The following TBK1 variants were observed in gnomAD, a reference collection of about 807,000 sequenced individuals.
TBK1 encodes the protein TANK binding kinase 1, also known as serine/threonine-protein kinase TBK1.
A neutral mutation model predicts 99.9 loss-of-function variants in TBK1; 37 were observed. The ratio of observed to expected loss-of-function variants is 0.37; its 90% CI spans 0.28 to 0.49. TBK1 has a LOEUF of 0.49. Ranked by LOEUF, TBK1 falls within the 20% of genes least tolerant of loss-of-function variation. TBK1 has a pLI of 0.98. For synonymous variants in TBK1, 258 were observed against 279.8 expected (o/e 0.92, Z 0.78); for missense variants, 644 against 872.5 (o/e 0.74, Z 3.30).
chr12:64,455,599 C>T (rs1469108307), intron 1 of TBK1, among the ~76,000 whole-genome samples: 1 of 152,174 alleles, frequency 6.6e-6, no homozygotes, highest in Non-Finnish European at 1.5e-5. Context: ...ATCCGTCTCT[C>T]CAGAGGAAAA....
In TBK1 at chr12:64,465,986, A is replaced by G. The variant is rs564102885; in HGVS notation, c.359-915A>G. On this transcript the variant is annotated intron_variant, in intron 4 of 20. Coordinates refer to ENST00000331710, the MANE Select transcript of TBK1 (RefSeq NM_013254.4). ...AGGAAATAACATCTTAAGAGAAATG[A>G]ATCAAATATTTGAGGAATGGGAAAA... Among the ~76,000 whole-genome samples, 4 of 152,346 alleles carry G rather than the reference A, an allele frequency of 2.6e-5. No homozygotes were observed. The South Asian group carries it at 8.3e-4, about 32-fold the overall frequency.
intron 13 of TBK1, among the ~76,000 whole-genome samples, chr12:64,492,284 C>CT (rs1231320890): frequency 1.3e-5 from 2 of 152,018 alleles, no homozygotes; most frequent in East Asian, 3.9e-4. Flanking sequence ...TATGACATTC[C>CT]TGTGAGATTA....
chr12:64,477,740 G>T (rs192225146), intron 6 of TBK1, among the ~76,000 whole-genome samples: 34 of 152,154 alleles, frequency 2.2e-4, no homozygotes, highest in Non-Finnish European at 4.3e-4. Context: ...GTTCTTAAGG[G>T]GAATTGCCCA....
chr12:64,467,186 A>C (rs1305463145), intron 5 of TBK1, 104 bp downstream of exon 5: 2 of 914,506 alleles, frequency 2.2e-6, no homozygotes, highest in East Asian at 6.0e-5. Flanking sequence ...CATTTTTATG[A>C]CAAAAATTAA....
chr12:64,476,341 G>C (rs1026567583), intron 6 of TBK1, among the ~76,000 whole-genome samples: 7 of 151,270 alleles, frequency 4.6e-5, no homozygotes, highest in Non-Finnish European at 2.9e-5. Flanking sequence ...GTATTTTTTA[G>C]TAGAGACGGG....
At chr12:64,493,587 A>G (rs2040895067) in intron 13 of TBK1, among the ~76,000 whole-genome samples, 1 of 151,654 alleles carries the variant, frequency 6.6e-6, no homozygotes, top group African/African-American at 2.4e-5. Flanking sequence ...AGATCATGCC[A>G]CTGTCCTCCA....
At chr12:64,482,954 C>T (rs2040782276) in intron 8 of TBK1, among the ~76,000 whole-genome samples, 1 of 152,152 alleles carries the variant, frequency 6.6e-6, no homozygotes, top group Non-Finnish European at 1.5e-5. Flanking sequence ...ATGTTAATAG[C>T]TGGTTGTGAT....
chr12:64,456,028 T>A, intron 2 of TBK1, 71 bp downstream of exon 2: 1 of 1,093,440 alleles, frequency 9.1e-7, no homozygotes, highest in Non-Finnish European at 1.3e-6. Context: ...ATGTTGACAC[T>A]AAAGTGTGTG....
At chr12:64,479,085 GTAA>G (rs898238291) in intron 6 of TBK1, among the ~76,000 whole-genome samples, 86 of 152,288 alleles carry the variant, frequency 5.6e-4, no homozygotes, top group African/African-American at 2.0e-3. Context: ...GAAGTACTCA[GTAA>G]TAATAATTGT....
intron 16 of TBK1, 131 bp downstream of exon 16, chr12:64,496,537 T>G: frequency 2.0e-6 from 1 of 510,446 alleles, no homozygotes; most frequent in Non-Finnish European, 3.3e-6. Context: ...TACAGGATTG[T>G]TACAATATGT....
At chr12:64,486,436 A>AT (rs527905582) in intron 11 of TBK1, among the ~76,000 whole-genome samples, 56 of 144,102 alleles carry the variant, frequency 3.9e-4, no homozygotes, top group Admixed American at 7.7e-4. Flanking sequence ...ATCACACCGT[A>AT]TTTTTTTTTT....
chr12:64,459,716 C>G (rs2040525904), intron 2 of TBK1, among the ~76,000 whole-genome samples: 1 of 152,154 alleles, frequency 6.6e-6, no homozygotes, highest in Non-Finnish European at 1.5e-5. Context: ...GAAAAGTTAA[C>G]TGTATTACTT....
chr12:64,499,923 C>G (rs1298962954), intron 20 of TBK1, among the ~76,000 whole-genome samples: 1 of 152,014 alleles, frequency 6.6e-6, no homozygotes, highest in Admixed American at 6.6e-5. Context: ...GTCTCAATCT[C>G]TTGACCTCGT....
chr12:64,472,615 T>C (rs189144857), intron 5 of TBK1, among the ~76,000 whole-genome samples: 1 of 151,542 alleles, frequency 6.6e-6, no homozygotes, highest in Non-Finnish European at 1.5e-5. Flanking sequence ...TGTGAGCTCC[T>C]AAACAATTTC....
At chr12:64,489,194 T>G (rs1370593478) in intron 12 of TBK1, among the ~76,000 whole-genome samples, 1 of 152,206 alleles carries the variant, frequency 6.6e-6, no homozygotes, top group Non-Finnish European at 1.5e-5. Context: ...AATATGAAAC[T>G]TGTAATCAAC....
chr12:64,489,310 C>G (rs1486829722), intron 12 of TBK1, among the ~76,000 whole-genome samples: 1 of 152,160 alleles, frequency 6.6e-6, no homozygotes, highest in Non-Finnish European at 1.5e-5. Flanking sequence ...TTCCTGAGAA[C>G]ACGTTTTGAA....
intron 15 of TBK1, 81 bp downstream of exon 15, chr12:64,495,856 T>C: frequency 2.7e-6 from 3 of 1,122,580 alleles, no homozygotes; most frequent in Non-Finnish European, 3.7e-6. Context: ...ATTTGGTATA[T>C]CTGTAAGGGT....
intron 5 of TBK1, among the ~76,000 whole-genome samples, 160 bp downstream of exon 5, chr12:64,467,242 G>C (rs180799730): frequency 6.6e-6 from 1 of 152,078 alleles, no homozygotes; most frequent in African/African-American, 2.4e-5. Flanking sequence ...TTAGGTACTC[G>C]CTTCCAAGGG....
chr12:64,466,805 A>G (rs776380122), intron 4 of TBK1, 96 bp from the exon 5 acceptor site: 3 of 988,806 alleles, frequency 3.0e-6, no homozygotes, highest in Non-Finnish European at 2.7e-6. Context: ...GGAAAAATTT[A>G]TATTAAGTTT....
Sources: allele counts gnomAD v4.1 joint callset (sites outside exome capture counted in the v4.1 genomes callset), GRCh38; gene constraint gnomAD v4.1.1; transcripts MANE v1.5; gene names NCBI Gene and HGNC (gene_info 2026-07-23, HGNC 2026-07-21).